Variants in MAN1A2 observed in about 807,000 individuals in gnomAD.
MAN1A2 encodes mannosidase alpha class 1A member 2.
In MAN1A2, 26 loss-of-function variants were observed where a neutral mutation model predicts 75.7. The ratio of observed to expected loss-of-function variants is 0.34; its 90% CI spans 0.25 to 0.48. The LOEUF (loss-of-function observed/expected upper bound fraction) is 0.48, where lower values mean the gene tolerates loss of function less well. Among genes scored for constraint, MAN1A2 ranks in the 20% least tolerant of loss-of-function variants. MAN1A2 has a pLI of 0.99. For missense variants in MAN1A2, 562 were observed against 775.5 expected (o/e 0.72, Z 3.27); for synonymous variants, 247 against 264.6 (o/e 0.93, Z 0.65).
intron 11 of MAN1A2, 82 bp from the exon 12 acceptor site, chr1:117,502,773 G>A: frequency 2.8e-6 from 2 of 704,650 alleles, no homozygotes; most frequent in Non-Finnish European, 5.0e-6. Context: ...ATGAGCTTTT[G>A]ACTATTGTCC....
chr1:117,439,956 C>G lies in MAN1A2; in HGVS notation c.856-2275C>G, dbSNP rs569768103. Among the ~76,000 whole-genome samples the G allele has an allele frequency of 6.6e-5, 10 of 152,204 alleles. No homozygotes were observed. In the South Asian group the frequency reaches 2.1e-3, roughly 32 times the overall value. On this transcript the variant is annotated intron_variant, in intron 5 of 12. Transcript: ENST00000356554. ...CAAATGCTTATACTGATTGAGACAA[C>G]AAATTCACTTCTGGAATTTATCTTA...
At chr1:117,462,556 C>A (rs1649854001) in intron 7 of MAN1A2, among the ~76,000 whole-genome samples, 1 of 152,040 alleles carries the variant, frequency 6.6e-6, no homozygotes, top group Admixed American at 6.6e-5. Context: ...TCAGTACATC[C>A]AGAGAACAAA....
chr1:117,455,853 A>G (rs66819677), intron 6 of MAN1A2, among the ~76,000 whole-genome samples: 37,961 of 151,628 alleles, frequency 0.25, 5,534 homozygotes, highest in East Asian at 0.47. Context: ...AGTATATTAC[A>G]TATCCTCTCA....
intron 8 of MAN1A2, 111 bp from the exon 9 acceptor site, chr1:117,493,036 A>T: frequency 1.6e-6 from 1 of 625,722 alleles, no homozygotes; most frequent in East Asian, 2.8e-5. Context: ...TGTCAATGTA[A>T]TTTTAAAATT....
chr1:117,387,639 C>T (rs577713964), intron 1 of MAN1A2, among the ~76,000 whole-genome samples: 80 of 152,250 alleles, frequency 5.3e-4, no homozygotes, highest in African/African-American at 1.8e-3. Context: ...GGCTTCAAGG[C>T]TTGGAACTCA....
In MAN1A2 at chr1:117,460,499, C is replaced by A; in HGVS notation, c.961C>A (p.Arg321=). Residue 321 remains arginine (R), a synonymous_variant, in exon 7 of 13, where the codon CGA becomes AGA. Coordinates refer to ENST00000356554, the MANE Select transcript of MAN1A2 (RefSeq NM_006699.5). ...AMVNLKSGVG[R]NWGWASAGSS... is the part of the protein sequence containing the mutation. ...TTCCTTTTCATTCAGTGGAGTAGGG[C>A]GAAACTGGGGCTGGGCATCTGCAGG... The A allele has an allele frequency of 6.2e-7, 1 of 1,611,284 alleles. No homozygotes were observed.
At chr1:117,476,785 G>A (rs1440672351) in intron 8 of MAN1A2, among the ~76,000 whole-genome samples, 1 of 152,054 alleles carries the variant, frequency 6.6e-6, no homozygotes, top group African/African-American at 2.4e-5. Context: ...TTGAAGTCAG[G>A]TAATGTGATG....
intron 10 of MAN1A2, among the ~76,000 whole-genome samples, chr1:117,497,418 G>A (rs1651065117): frequency 1.3e-5 from 2 of 151,916 alleles, no homozygotes; most frequent in Admixed American, 1.3e-4. Context: ...TTGGTATCTG[G>A]CTAACTAGTA....
intron 3 of MAN1A2, 100 bp downstream of exon 3, chr1:117,405,745 G>T: frequency 1.3e-6 from 1 of 770,136 alleles, no homozygotes. Flanking sequence ...GAGTATTTCT[G>T]TGGAACTATA....
In MAN1A2 at chr1:117,523,101, T is replaced by A. The variant is rs913626418; in HGVS notation, c.*144T>A. 8.2e-6 allele frequency: 7 copies of A among 857,734 alleles called. No homozygotes were observed. The highest frequency in any genetic ancestry group is 1.4e-5 in the Non-Finnish European group (7 of 515,824). The allele number at this position is 857,734 out of a possible 1,614,324, so 53.1% of individuals were successfully genotyped here. On this transcript the variant is annotated 3_prime_UTR_variant, in exon 13 of 13. Coordinates refer to ENST00000356554, the MANE Select transcript of MAN1A2 (RefSeq NM_006699.5). ...ACTATTCCCCCTAAGACTGTTCAAC[T>A]TGTAGATACATCAACTTTGAAATTA...
rs548652311 is a variant in MAN1A2 at position 117,381,885 on chromosome 1, G to A, written c.302+13400G>A. On this transcript the variant is annotated intron_variant, in intron 1 of 12. Transcript: ENST00000356554. ...TTTTTAATGATTGCCATTCTAACTG[G>A]TGTGAGATGGTATCTCATTGTGGTT... Among the ~76,000 whole-genome samples, 64 of 151,830 alleles carry A rather than the reference G, an allele frequency of 4.2e-4. 1 individual carries two copies. In the South Asian group the frequency reaches 0.011, roughly 27 times the overall value.
intron 12 of MAN1A2, among the ~76,000 whole-genome samples, chr1:117,514,268 C>CA (rs1476766106): frequency 1.3e-5 from 2 of 151,384 alleles, no homozygotes; most frequent in African/African-American, 4.9e-5. Flanking sequence ...GAGGCTGAGA[C>CA]AGGAGAATCA....
chr1:117,499,897 T>C (rs1486951604), intron 11 of MAN1A2, among the ~76,000 whole-genome samples: 6 of 151,542 alleles, frequency 4.0e-5, no homozygotes, highest in African/African-American at 1.5e-4. Flanking sequence ...ACTATTAGTC[T>C]TTTATGAAAG....
At chr1:117,392,731 CA>C (rs1460069834) in intron 1 of MAN1A2, among the ~76,000 whole-genome samples, 1 of 152,210 alleles carries the variant, frequency 6.6e-6, no homozygotes, top group East Asian at 1.9e-4. Flanking sequence ...CTGCTTTCTA[CA>C]GAAACAAAAT....
chr1:117,399,633 CA>C (rs1272565509), intron 1 of MAN1A2, among the ~76,000 whole-genome samples: 2 of 152,162 alleles, frequency 1.3e-5, no homozygotes, highest in African/African-American at 4.8e-5. Flanking sequence ...CTCATGATAG[CA>C]AGCACTTTCC....
At chr1:117,494,970 A>G (rs1163808642) in intron 9 of MAN1A2, 1 of 151,884 alleles carries the variant, frequency 6.6e-6, no homozygotes, top group South Asian at 2.1e-4. Flanking sequence ...AACATGTGAT[A>G]TATCATATAC....
At chr1:117,504,947 A>T (rs1651304889) in intron 12 of MAN1A2, among the ~76,000 whole-genome samples, 1 of 151,406 alleles carries the variant, frequency 6.6e-6, no homozygotes, top group Non-Finnish European at 1.5e-5. Context: ...TTAGCCCATT[A>T]TTGGTGATTT....
chr1:117,376,436 G>T (rs1263035671), intron 1 of MAN1A2, among the ~76,000 whole-genome samples: 1 of 152,220 alleles, frequency 6.6e-6, no homozygotes, highest in African/African-American at 2.4e-5. Context: ...TCTGTGAAAG[G>T]TCTAATTACC....
intron 1 of MAN1A2, among the ~76,000 whole-genome samples, chr1:117,396,404 A>G (rs1410867577): frequency 6.6e-6 from 1 of 152,232 alleles, no homozygotes; most frequent in Non-Finnish European, 1.5e-5. Flanking sequence ...CACTGATGAA[A>G]AGGAATGATC....
Sources: gnomAD v4.1 joint callset for allele counts (sites outside exome capture counted in the v4.1 genomes callset) on GRCh38, gnomAD v4.1.1 for gene constraint, MANE v1.5 for transcripts, NCBI Gene and HGNC (gene_info 2026-07-23, HGNC 2026-07-21) for gene names.